The following PBX2 variants were observed in gnomAD, a reference collection of about 807,000 sequenced individuals.
PBX2 encodes pre-B-cell leukemia transcription factor 2.
PBX2 carries 10 observed loss-of-function variants against 46.5 expected under a neutral mutation model. The observed-to-expected ratio is 0.21, with a 90% CI of 0.13 to 0.36. PBX2 has a LOEUF of 0.36. PBX2 is among the 10% of genes least tolerant of loss of function. PBX2 has a pLI of 1.00. For missense variants in PBX2, 392 were observed against 580.5 expected, an observed-to-expected ratio of 0.68 and a Z score of 3.34; for synonymous variants, 160 against 222.5, an observed-to-expected ratio of 0.72 and a Z score of 2.50.
In PBX2 at chr6:32,188,291, T is replaced by C; in HGVS notation, c.509A>G (p.His170Arg). ...CTTCTCCAGCTCCGAGTGGTATATGTGACGGATCTGGGCAAGTTTGCTGCG... is the reference window on the plus strand; with the variant it reads ...CTTCTCCAGCTCCGAGTGGTATATGCGACGGATCTGGGCAAGTTTGCTGCG... ...DYRSKLAQIR[H>R]IYHSELEKYE... Residue 170 changes from histidine to arginine, a missense_variant, in exon 3 of 9, where the codon CAC becomes CGC. Physicochemically the swap from His to Arg is conservative, Grantham distance 29 (BLOSUM62 0). Around this residue, in one of 3 missense-constraint regions of PBX2, gnomAD observed 196 missense variants for 246.9 expected, o/e 0.79. Coordinates refer to ENST00000375050, the MANE Select transcript of PBX2 (RefSeq NM_002586.5). This position sits in a 1 kb window ranked among gnomAD's most constrained non-coding sequence, Gnocchi z 6.5. The C allele has an allele frequency of 6.2e-7, 1 of 1,613,994 alleles. No homozygotes were observed. Among genetic ancestry groups the C allele is most frequent in the East Asian group, 2.2e-5 (1 of 44,882 alleles).
Position 32,189,123 on chromosome 6 carries a change from G to C in PBX2, c.222-327C>G, listed in dbSNP as rs1787282014. The C allele has an allele frequency of 4.3e-6, 2 of 465,090 alleles. No homozygotes were observed. The highest frequency in any genetic ancestry group is 5.7e-5 in the South Asian group (2 of 35,188). 28.8% of individuals were successfully genotyped at this position (465,090 alleles called of 1,614,324 possible). On this transcript the variant is annotated intron_variant, in intron 1 of 8. Transcript: ENST00000375050. The surrounding 1 kb of genome is among the most constrained non-coding windows in gnomAD (Gnocchi z 4.7). ...TGACTTGGTAGGTTTCAGAGGGAGA[G>C]AGACAGAGGCTGGGGTTGAGAAGAG...
chr6:32,187,025 C>A lies in PBX2; in HGVS notation c.1025-124G>T. The A allele has an allele frequency of 9.4e-7, 1 of 1,067,658 alleles. No individual in the cohort carries two copies. Among genetic ancestry groups the A allele is most frequent in the East Asian group, 2.5e-5 (1 of 39,228 alleles). The allele number at this position is 1,067,658 out of a possible 1,614,324, so 66.1% of individuals were successfully genotyped here. Reference sequence around the variant, plus strand: ...TTATCCACAAAATAACATTCCAACACACAGAAAGAGCAGGCTGTTCCTTGG... The same window carrying A: ...TTATCCACAAAATAACATTCCAACAAACAGAAAGAGCAGGCTGTTCCTTGG... On this transcript the variant is annotated intron_variant, in intron 6 of 8. Transcript: ENST00000375050. This position sits in a 1 kb window ranked among gnomAD's most constrained non-coding sequence, Gnocchi z 7.7.
At position 32,186,309 on chromosome 6, in the gene PBX2, G is replaced by A; in HGVS notation, c.*73C>T. 1 of 1,038,858 alleles carries A rather than the reference G, an allele frequency of 9.6e-7. No homozygotes were observed. Among genetic ancestry groups the A allele is most frequent in the Non-Finnish European group, 1.5e-6 (1 of 673,952 alleles). 64.4% of individuals were successfully genotyped at this position (1,038,858 alleles called of 1,614,324 possible). A position where few individuals can be genotyped will look rare whatever the true frequency, so the allele number is the denominator to read the frequency against. On this transcript the variant is annotated 3_prime_UTR_variant, in exon 9 of 9. Transcript: ENST00000375050. This position sits in a 1 kb window ranked among gnomAD's most constrained non-coding sequence, Gnocchi z 4.2. Reference sequence around the variant, plus strand: ...TTGTGCTTCTCCTGTATTGGGGTTTGTCCTCTGGAAGCCTGCGTCCTCTTC... The same window carrying A: ...TTGTGCTTCTCCTGTATTGGGGTTTATCCTCTGGAAGCCTGCGTCCTCTTC...
Position 32,185,633 on chromosome 6 carries a change from CAACAACAAAAACAACAA to C in PBX2, c.*732_*748del, listed in dbSNP as rs1561889180. ...GAACCACCACCACCACCACCACCAA[CAACAACAAAAACAACAA>C]CAACAACAAAAAAAACAGATGGATC... On this transcript the variant is annotated 3_prime_UTR_variant, in exon 9 of 9. Coordinates refer to ENST00000375050, the MANE Select transcript of PBX2 (RefSeq NM_002586.5). 1.3e-4 allele frequency: 19 copies of C among 149,928 alleles called. No homozygotes were observed. Among genetic ancestry groups the C allele is most frequent in the African/African-American group, 4.5e-4 (18 of 40,398 alleles). The allele number at this position is 149,928 out of a possible 1,614,324, so 9.3% of individuals were successfully genotyped here. A position where few individuals can be genotyped will look rare whatever the true frequency, so the allele number is the denominator to read the frequency against.
rs753978100 is a variant in PBX2, at chr6:32,186,367, C to T, written c.*15G>A. 3.2e-6 allele frequency: 5 copies of T among 1,570,486 alleles called. No homozygotes were observed. In the East Asian group the frequency reaches 9.0e-5, roughly 28 times the overall value. On this transcript the variant is annotated 3_prime_UTR_variant, in exon 9 of 9. Coordinates refer to ENST00000375050, the MANE Select transcript of PBX2 (RefSeq NM_002586.5). This position sits in a 1 kb window ranked among gnomAD's most constrained non-coding sequence, Gnocchi z 4.2. ...CTTGTGAGAGCCCCCACCCCTGTGA[C>T]CCTGAGGGGCAAGATCAGTTGGAGG...
chr6:32,188,304 C>T lies in PBX2; in HGVS notation c.496G>A (p.Ala166Thr), dbSNP rs1188559497. 1.2e-6 allele frequency: 2 copies of T among 1,614,036 alleles called. No homozygotes were observed. Among genetic ancestry groups the T allele is most frequent in the Non-Finnish European group, 1.7e-6 (2 of 1,180,030 alleles). Residue 166 changes from alanine (A) to threonine (T), a missense_variant, in exon 3 of 9, where the codon GCC becomes ACC. By Grantham distance (58) the Ala-to-Thr change is moderately conservative. Coordinates refer to ENST00000375050, the MANE Select transcript of PBX2 (RefSeq NM_002586.5). The surrounding 1 kb of genome is among the most constrained non-coding windows in gnomAD (Gnocchi z 6.5). The part of the protein sequence containing the change: ...IEHSDYRSKL[A>T]QIRHIYHSEL... Reference sequence around the variant, plus strand: ...GAGTGGTATATGTGACGGATCTGGGCAAGTTTGCTGCGATAGTCCGAGTGT... The same window carrying T: ...GAGTGGTATATGTGACGGATCTGGGTAAGTTTGCTGCGATAGTCCGAGTGT...
In PBX2 at chr6:32,188,754, A is replaced by G; in HGVS notation, c.264T>C (p.Phe88=). 1.9e-6 allele frequency: 3 copies of G among 1,612,974 alleles called. No individual in the cohort carries two copies. Among genetic ancestry groups the G allele is most frequent in the East Asian group, 2.2e-5 (1 of 44,872 alleles). The change falls in exon 2 of 9, where the codon TTT becomes TTC. Residue 88 remains phenylalanine (F), a synonymous_variant. Coordinates refer to ENST00000375050, the MANE Select transcript of PBX2 (RefSeq NM_002586.5). The surrounding 1 kb of genome is among the most constrained non-coding windows in gnomAD (Gnocchi z 6.5). ...LNCHRMKPAL[F]SVLCEIKEKT... is the part of the protein sequence containing the mutation. ...TCTCCTTGATTTCACACAGGACGCT[A>G]AAGAGAGCAGGCTTCATTCGGTGGC...
chr6:32,187,369 C>T lies in PBX2; in HGVS notation c.897G>A (p.Arg299=), dbSNP rs1787192382. 2 of 1,613,056 alleles carry T rather than the reference C, an allele frequency of 1.2e-6. No individual in the cohort carries two copies. Among genetic ancestry groups the T allele is most frequent in the Non-Finnish European group, 8.5e-7 (1 of 1,180,036 alleles). Residue 299 remains arginine, a synonymous_variant, in exon 6 of 9, where the codon AGG becomes AGA. Transcript: ENST00000375050. This position sits in a 1 kb window ranked among gnomAD's most constrained non-coding sequence, Gnocchi z 7.7. ...SQVSNWFGNK[R]IRYKKNIGKF... ...TTCCGATGTTTTTCTTATAGCGAATCCTCTTGTTGCCAAACCAGTTGGAGA... is the reference window on the plus strand; with the variant it reads ...TTCCGATGTTTTTCTTATAGCGAATTCTCTTGTTGCCAAACCAGTTGGAGA...
At position 32,190,037 on chromosome 6, in the gene PBX2, G is replaced by A; in HGVS notation, c.-122C>T. 3.9e-6 allele frequency: 2 copies of A among 512,688 alleles called. No individual in the cohort carries two copies. The highest frequency in any genetic ancestry group is 6.7e-6 in the Non-Finnish European group (2 of 297,660). 31.8% of individuals were successfully genotyped at this position (512,688 alleles called of 1,614,324 possible). On this transcript the variant is annotated 5_prime_UTR_variant, in exon 1 of 9. Transcript: ENST00000375050. ...CCCCAACCCCCGCCCGTCTGCCCCC[G>A]GCTCCCGGCTCCCCCGGGGGTTCAC...
Position 32,187,036 on chromosome 6 carries a change from C to G in PBX2, c.1025-135G>C. The G allele has an allele frequency of 9.7e-7, 1 of 1,035,396 alleles. No homozygotes were observed. The highest frequency in any genetic ancestry group is 1.4e-6 in the Non-Finnish European group (1 of 699,968). 64.1% of individuals were successfully genotyped at this position (1,035,396 alleles called of 1,614,324 possible). A position where few individuals can be genotyped will look rare whatever the true frequency, so the allele number is the denominator to read the frequency against. ...ATAACATTCCAACACACAGAAAGAG[C>G]AGGCTGTTCCTTGGCCACCCGTGGG... On this transcript the variant is annotated intron_variant, in intron 6 of 8. Transcript: ENST00000375050. The surrounding 1 kb of genome is among the most constrained non-coding windows in gnomAD (Gnocchi z 7.7).
At position 32,188,441 on chromosome 6, in the gene PBX2, T is replaced by C. The variant is rs776784396; in HGVS notation, c.359A>G (p.Asn120Ser). The C allele has an allele frequency of 6.2e-7, 1 of 1,614,122 alleles. No individual in the cohort carries two copies. The highest frequency in any genetic ancestry group is 1.1e-5 in the South Asian group (1 of 91,084). Reference protein sequence around the residue: ...PVDPQLMRLDNMLLAEGVAGP... With the variant: ...PVDPQLMRLDSMLLAEGVAGP... ...AGCCACACCCTCTGCCAGAAGCATG[T>C]TGTCCAAGCGCATCAGCTGTGGGTC... Residue 120 changes from asparagine (N) to serine (S), a missense_variant, in exon 3 of 9, where the codon AAC (asparagine) becomes AGC (serine). Physicochemically the swap from Asn to Ser is conservative, Grantham distance 46. Transcript: ENST00000375050. The surrounding 1 kb of genome is among the most constrained non-coding windows in gnomAD (Gnocchi z 6.5).
In PBX2 at chr6:32,186,931, T is replaced by C. The variant is rs753287708; in HGVS notation, c.1025-30A>G. ...TGGGGGCAGAGAGGGAAGAGTGTAATAGAGCCCGTGATGGTAGAGGATGAA... is the reference window on the plus strand; with the variant it reads ...TGGGGGCAGAGAGGGAAGAGTGTAACAGAGCCCGTGATGGTAGAGGATGAA... On this transcript the variant is annotated intron_variant, in intron 6 of 8. Coordinates refer to ENST00000375050, the MANE Select transcript of PBX2 (RefSeq NM_002586.5). This position sits in a 1 kb window ranked among gnomAD's most constrained non-coding sequence, Gnocchi z 4.2. The C allele has an allele frequency of 8.2e-6, 13 of 1,583,572 alleles. No homozygotes were observed. In the East Asian group the frequency reaches 2.5e-4, roughly 30 times the overall value.
At position 32,188,534 on chromosome 6, in the gene PBX2, C is replaced by T; in HGVS notation, c.296-30G>A. The T allele has an allele frequency of 1.2e-6, 2 of 1,608,752 alleles. No individual in the cohort carries two copies. Among genetic ancestry groups the T allele is most frequent in the Non-Finnish European group, 1.7e-6 (2 of 1,176,918 alleles). ...CATGCAGGCGAGTGGACTTAGGGAC[C>T]CAGAGACCCCAATACCCAGTGCTCA... On this transcript the variant is annotated intron_variant, in intron 2 of 8. Transcript: ENST00000375050. This position sits in a 1 kb window ranked among gnomAD's most constrained non-coding sequence, Gnocchi z 6.5.
At position 32,186,876 on chromosome 6, in the gene PBX2, T is replaced by C; in HGVS notation, c.1050A>G (p.Ser350=). The change falls in exon 7 of 9, where the codon TCA becomes TCG. Residue 350 remains serine (S), a synonymous_variant. Coordinates refer to ENST00000375050, the MANE Select transcript of PBX2 (RefSeq NM_002586.5). The surrounding 1 kb of genome is among the most constrained non-coding windows in gnomAD (Gnocchi z 4.2). ...TCCCCAGAAACATGTCTCCAGATCC[T>C]GAGAGATTGAAAGAGCCGCCAGAGC... ...SAGSGGSFNL[S]GSGDMFLGMP... 3 of 1,613,928 alleles carry C rather than the reference T, an allele frequency of 1.9e-6. No homozygotes were observed. Among genetic ancestry groups the C allele is most frequent in the Non-Finnish European group, 2.5e-6 (3 of 1,179,986 alleles).
chr6:32,189,080 T>C lies in PBX2; in HGVS notation c.222-284A>G, dbSNP rs1787279897. ...AAAGGTAGGAGGAGGAATCTGGGAG[T>C]GGATGGAGAAAGGAAAGTGACTTGG... On this transcript the variant is annotated intron_variant, in intron 1 of 8. Coordinates refer to ENST00000375050, the MANE Select transcript of PBX2 (RefSeq NM_002586.5). The surrounding 1 kb of genome is among the most constrained non-coding windows in gnomAD (Gnocchi z 4.7). 1 of 513,146 alleles carries C rather than the reference T, an allele frequency of 1.9e-6. No individual in the cohort carries two copies. The highest frequency in any genetic ancestry group is 3.5e-6 in the Non-Finnish European group (1 of 285,506). 31.8% of individuals were successfully genotyped at this position (513,146 alleles called of 1,614,324 possible). A position where few individuals can be genotyped will look rare whatever the true frequency, so the allele number is the denominator to read the frequency against.
Position 32,187,269 on chromosome 6 carries a change from T to C in PBX2, c.997A>G (p.Ser333Gly). 2 of 1,613,068 alleles carry C rather than the reference T, an allele frequency of 1.2e-6. No individual in the cohort carries two copies. Among genetic ancestry groups the C allele is most frequent in the Non-Finnish European group, 1.7e-6 (2 of 1,180,032 alleles). ...GCAGAGGAAGGGGGTGTCGGGGAGC[T>C]GGTGCGGCTGTGGCCCCCCTGGGTG... is the stretch of plus-strand genomic sequence containing the variant. ...SVTQGGHSRT[S>G]SPTPPSSAGS... The change falls in exon 6 of 9, where the codon AGC (serine) becomes GGC (glycine). Residue 333 changes from serine (S) to glycine (G), a missense_variant. By Grantham distance (56) the Ser-to-Gly change is moderately conservative (BLOSUM62 0). Coordinates refer to ENST00000375050, the MANE Select transcript of PBX2 (RefSeq NM_002586.5). This position sits in a 1 kb window ranked among gnomAD's most constrained non-coding sequence, Gnocchi z 7.7.
At position 32,185,468 on chromosome 6, in the gene PBX2, T is replaced by C. The variant is rs1786993605; in HGVS notation, c.*914A>G. 6.6e-6 allele frequency: 1 copy of C among 150,398 alleles called. No individual in the cohort carries two copies. The allele number at this position is 150,398 out of a possible 1,614,324, so 9.3% of individuals were successfully genotyped here. On this transcript the variant is annotated 3_prime_UTR_variant, in exon 9 of 9. Transcript: ENST00000375050. The stretch of plus-strand genomic sequence containing the variant: ...GGGGCCTCTTTACCAGTTCTGTTTG[T>C]CCCCCTTTCTCTTACCAGAACCCCT...
Position 32,189,156 on chromosome 6 carries a change from T to C in PBX2, c.222-360A>G, listed in dbSNP as rs2127449001. ...GGCTGGGGTTGAGAAGAGTCAGAGT[T>C]TGAGGTGGCAGAGTGGGGCTGGGGG... On this transcript the variant is annotated intron_variant, in intron 1 of 8. Coordinates refer to ENST00000375050, the MANE Select transcript of PBX2 (RefSeq NM_002586.5). This position sits in a 1 kb window ranked among gnomAD's most constrained non-coding sequence, Gnocchi z 4.7. 1.8e-5 allele frequency: 7 copies of C among 389,282 alleles called. No individual in the cohort carries two copies. Among genetic ancestry groups the C allele is most frequent in the South Asian group, 1.7e-4 (5 of 29,676 alleles). 24.1% of individuals were successfully genotyped at this position (389,282 alleles called of 1,614,324 possible).
chr6:32,186,108 T>C lies in PBX2; in HGVS notation c.*274A>G, dbSNP rs1224762924. 2.3e-5 allele frequency: 11 copies of C among 480,226 alleles called. No homozygotes were observed. In the Admixed American group the frequency reaches 4.1e-4, roughly 18 times the overall value. The allele number at this position is 480,226 out of a possible 1,614,324, so 29.7% of individuals were successfully genotyped here. On this transcript the variant is annotated 3_prime_UTR_variant, in exon 9 of 9. Coordinates refer to ENST00000375050, the MANE Select transcript of PBX2 (RefSeq NM_002586.5). The surrounding 1 kb of genome is among the most constrained non-coding windows in gnomAD (Gnocchi z 4.2). ...AAAAGGGGTCTGAGAAATAGGTTTC[T>C]CGGTATGTGTATGTTTCTGTGTAAG... is the stretch of plus-strand genomic sequence containing the variant.
Sources: gnomAD v4.1 joint callset for allele counts on GRCh38, gnomAD v4.1.1 for gene constraint, gnomAD v4.1.1 regional missense constraint, Gnocchi (gnomAD v3.1) non-coding constraint, MANE v1.5 for transcripts, NCBI Gene and HGNC (gene_info 2026-07-23, HGNC 2026-07-21) for gene names.